Variants in AP3B1 observed in about 807,000 individuals in gnomAD.
AP3B1 encodes adaptor related protein complex 3 subunit beta 1.
AP3B1 carries 61 observed loss-of-function variants against 132.5 expected under a neutral mutation model. The observed-to-expected ratio is 0.46, with a 90% CI of 0.37 to 0.57. The LOEUF (loss-of-function observed/expected upper bound fraction) is 0.57, where lower values mean the gene tolerates loss of function less well. Among genes scored for constraint, AP3B1 ranks in the 20% least tolerant of loss-of-function variants. The probability of loss-of-function intolerance (pLI) is 0.00; values close to 1 mark genes in which losing one functional copy is unlikely to be tolerated. For missense variants in AP3B1, 1,120 were observed against 1,289.4 expected (o/e 0.87, Z 2.01); for synonymous variants, 388 against 438.3 (o/e 0.89, Z 1.43).
intron 5 of AP3B1, among the ~76,000 whole-genome samples, chr5:78,227,063 A>G (rs956594866): frequency 2.6e-5 from 4 of 152,146 alleles, no homozygotes; most frequent in African/African-American, 9.6e-5. Flanking sequence ...ATACAAGCAT[A>G]TGTGTACATG....
chr5:78,071,517 T>C (rs1041230636), intron 22 of AP3B1, among the ~76,000 whole-genome samples: 3 of 152,224 alleles, frequency 2.0e-5, no homozygotes, highest in Non-Finnish European at 4.4e-5. Flanking sequence ...CATGTTTACC[T>C]ATGTAACAAA....
intron 18 of AP3B1, among the ~76,000 whole-genome samples, chr5:78,115,281 G>A (rs1751776621): frequency 6.6e-6 from 1 of 152,178 alleles, no homozygotes; most frequent in African/African-American, 2.4e-5. Flanking sequence ...GAGAAAAGAA[G>A]AGTGAATTAC....
At chr5:78,176,042 C>A (rs1195086782) in intron 9 of AP3B1, among the ~76,000 whole-genome samples, 1 of 152,086 alleles carries the variant, frequency 6.6e-6, no homozygotes, top group Non-Finnish European at 1.5e-5. Flanking sequence ...AGACGTGATT[C>A]ATCATGAAGA....
intron 24 of AP3B1, among the ~76,000 whole-genome samples, chr5:78,027,937 C>A (rs1393890604): frequency 2.6e-5 from 4 of 151,976 alleles, no homozygotes; most frequent in Non-Finnish European, 5.9e-5. Context: ...ACCAGCCTGG[C>A]CAACATGGTG....
chr5:78,091,036 C>T (rs1453711426), intron 21 of AP3B1, among the ~76,000 whole-genome samples: 2 of 151,876 alleles, frequency 1.3e-5, no homozygotes, highest in Non-Finnish European at 2.9e-5. Flanking sequence ...ATCTTCCTAC[C>T]TTGGCCTCCC....
At chr5:78,055,269 C>T (rs927486264) in intron 22 of AP3B1, among the ~76,000 whole-genome samples, 1 of 152,090 alleles carries the variant, frequency 6.6e-6, no homozygotes, top group African/African-American at 2.4e-5. Context: ...TCAGGCTATA[C>T]GTATTTTTAA....
intron 12 of AP3B1, among the ~76,000 whole-genome samples, chr5:78,164,456 G>C (rs1743526977): frequency 6.6e-6 from 1 of 151,906 alleles, no homozygotes; most frequent in African/African-American, 2.4e-5. Context: ...CAGGAGACTT[G>C]ATATAAGCAA....
chr5:78,157,034 C>G (rs1176433174), intron 13 of AP3B1, among the ~76,000 whole-genome samples: 1 of 152,086 alleles, frequency 6.6e-6, no homozygotes, highest in Non-Finnish European at 1.5e-5. Context: ...TCCCTTGGTC[C>G]TGGCTTATAG....
At chr5:78,091,420 C>G (rs1402404127) in intron 21 of AP3B1, among the ~76,000 whole-genome samples, 1 of 151,988 alleles carries the variant, frequency 6.6e-6, no homozygotes, top group Non-Finnish European at 1.5e-5. Flanking sequence ...GAGTGGAGCT[C>G]TTGGTCTTCC....
chr5:78,019,454 G>A (rs979319253), intron 25 of AP3B1, among the ~76,000 whole-genome samples: 98 of 152,226 alleles, frequency 6.4e-4, no homozygotes, highest in African/African-American at 2.2e-3. Flanking sequence ...TTCAGTCACC[G>A]TGTGCCACTC....
At chr5:78,012,650 T>A (rs182382312) in intron 26 of AP3B1, among the ~76,000 whole-genome samples, 1 of 152,354 alleles carries the variant, frequency 6.6e-6, no homozygotes, top group Admixed American at 6.5e-5. Flanking sequence ...CTTTTGACCC[T>A]GTAGTAACTT....
intron 1 of AP3B1, among the ~76,000 whole-genome samples, chr5:78,284,686 C>A (rs1273433082): frequency 1.3e-5 from 2 of 152,122 alleles, no homozygotes; most frequent in Non-Finnish European, 2.9e-5. Context: ...ATATATACTA[C>A]ATTAACCGAT....
At chr5:78,180,990 T>C (rs1484880778) in intron 8 of AP3B1, among the ~76,000 whole-genome samples, 1 of 152,072 alleles carries the variant, frequency 6.6e-6, no homozygotes, top group Non-Finnish European at 1.5e-5. Context: ...TTACTATTAC[T>C]GCCAATTTAC....
chr5:78,244,954 C>G (rs2112525627), intron 2 of AP3B1, among the ~76,000 whole-genome samples: 1 of 152,066 alleles, frequency 6.6e-6, no homozygotes, highest in South Asian at 2.1e-4. Context: ...AAGATCGCAC[C>G]CCTGCACTCC....
Position 78,089,424 on chromosome 5 carries a change from A to C in AP3B1, c.2546T>G (p.Leu849Ter), listed in dbSNP as rs1235816539. 6.2e-7 allele frequency: 1 copy of C among 1,612,894 alleles called. No individual in the cohort carries two copies. The highest frequency in any genetic ancestry group is 1.3e-5 in the African/African-American group (1 of 74,906). Residue 849 changes from leucine to a stop codon, truncating the protein, a stop_gained, in exon 22 of 27, where the codon TTA becomes TGA. Coordinates refer to ENST00000255194, the MANE Select transcript of AP3B1 (RefSeq NM_003664.5). LOFTEE classifies it high-confidence loss of function. ...SPSLMADLEG[L>*]HLSTSSSVIS... ...GACTGAAGAGGAAGTTGACAAGTGT[A>C]AACCTTCAAGATCAGCCATCAAACT...
At chr5:78,049,006 G>A (rs1179930564) in intron 22 of AP3B1, among the ~76,000 whole-genome samples, 2 of 152,180 alleles carry the variant, frequency 1.3e-5, no homozygotes, top group Non-Finnish European at 1.5e-5. Flanking sequence ...TGAACCATAT[G>A]TATCTGCCAT....
At chr5:78,270,585 A>G (rs1371305215) in intron 1 of AP3B1, among the ~76,000 whole-genome samples, 1 of 152,236 alleles carries the variant, frequency 6.6e-6, no homozygotes, top group Non-Finnish European at 1.5e-5. Context: ...CCACTCCAAT[A>G]AAAGATGCTA....
intron 7 of AP3B1, among the ~76,000 whole-genome samples, chr5:78,185,134 G>A (rs1430417398): frequency 2.0e-5 from 3 of 152,148 alleles, no homozygotes; most frequent in African/African-American, 7.2e-5. Flanking sequence ...AGGAATGAAG[G>A]GGGAGAAAAT....
chr5:78,116,870 T>C (rs2112266968), intron 17 of AP3B1, among the ~76,000 whole-genome samples: 1 of 152,186 alleles, frequency 6.6e-6, no homozygotes, highest in South Asian at 2.1e-4. Flanking sequence ...TCTAGAATGA[T>C]TATATTAAAA....
Sources: gnomAD v4.1 joint callset for allele counts (sites outside exome capture counted in the v4.1 genomes callset) on GRCh38, gnomAD v4.1.1 for gene constraint, MANE v1.5 for transcripts, NCBI Gene and HGNC (gene_info 2026-07-23, HGNC 2026-07-21) for gene names.